Variants in PNPLA1 observed in about 807,000 individuals in gnomAD.
The protein encoded by PNPLA1 is patatin like domain 1, omega-hydroxyceramide transacylase, also known as omega-hydroxyceramide transacylase.
Under a neutral mutation model 51.7 loss-of-function variants are expected in PNPLA1, and 36 were observed. That is an observed-to-expected ratio of 0.70 (90% confidence interval 0.53 to 0.92). The LOEUF (loss-of-function observed/expected upper bound fraction) is 0.92. Among genes scored for constraint, PNPLA1 ranks in the 40% least tolerant of loss-of-function variants. PNPLA1 has a pLI of 0.00. For missense variants in PNPLA1, 658 were observed against 682.5 expected (o/e 0.96, Z 0.40); for synonymous variants, 293 against 280.1 (o/e 1.05, Z -0.46).
In PNPLA1 at chr6:36,295,150, A is replaced by T. The variant is rs17356524; in HGVS notation, c.715-214A>T. 0.091 allele frequency among the ~76,000 whole-genome samples: 13,834 copies of T among 152,236 alleles called. 849 individuals carry two copies. The highest frequency in any genetic ancestry group is 0.13 in the Non-Finnish European group (8,849 of 67,996). On this transcript the variant is annotated intron_variant, in intron 4 of 8. Coordinates refer to ENST00000636260, the MANE Select transcript of PNPLA1 (RefSeq NM_001374623.1). ...CCGAGGCTCCACCATGAATGGTGTA[A>T]CTCATGAACGGAGCATCACTGGGGC...
At chr6:36,279,834 A>G (rs1237249994) in intron 1 of PNPLA1, among the ~76,000 whole-genome samples, 2 of 152,366 alleles carry the variant, frequency 1.3e-5, no homozygotes, top group East Asian at 3.9e-4. Flanking sequence ...GTGAAAAGAA[A>G]ATTACCTTGA....
Position 36,301,977 on chromosome 6 carries a change from C to A in PNPLA1, c.892C>A (p.Arg298=). The A allele has an allele frequency of 6.2e-7, 1 of 1,614,202 alleles. No homozygotes were observed. Among genetic ancestry groups the A allele is most frequent in the Non-Finnish European group, 8.5e-7 (1 of 1,180,040 alleles). The change falls in exon 6 of 9, where the codon CGA becomes AGA. Residue 298 remains arginine, a synonymous_variant. Transcript: ENST00000636260. ...CCCTGAACGCAGTCAACCAAGCCTT[C>A]GAGCACGGCAGGCCAGTCTGGAAGG... is the stretch of plus-strand genomic sequence containing the variant. ...ECPERSQPSL[R]ARQASLEGAT...
chr6:36,250,980 G>T (rs1490603490), intron 1 of PNPLA1, among the ~76,000 whole-genome samples: 1 of 152,180 alleles, frequency 6.6e-6, no homozygotes, highest in Non-Finnish European at 1.5e-5. Flanking sequence ...GGGATTACAG[G>T]TGTGAGCCAC....
chr6:36,309,081 G>A (rs1210051183), intron 8 of PNPLA1, among the ~76,000 whole-genome samples: 1 of 152,186 alleles, frequency 6.6e-6, no homozygotes, highest in Non-Finnish European at 1.5e-5. Context: ...CCCTGGATGG[G>A]CACAGGGATT....
chr6:36,275,126 C>T (rs4713947), intron 1 of PNPLA1, among the ~76,000 whole-genome samples: 11,152 of 152,222 alleles, frequency 0.073, 549 homozygotes, highest in African/African-American at 0.14. Context: ...TCACCCACAT[C>T]GGAGTGCAGT....
At chr6:36,304,650 AAGTC>A (rs1771177084) in intron 6 of PNPLA1, among the ~76,000 whole-genome samples, 1 of 149,202 alleles carries the variant, frequency 6.7e-6, no homozygotes, top group Admixed American at 6.7e-5. Flanking sequence ...AAAAAAAAAA[AAGTC>A]AGAAAATTGG....
chr6:36,290,872 G>A (rs1399872502), intron 1 of PNPLA1, among the ~76,000 whole-genome samples: 1 of 152,150 alleles, frequency 6.6e-6, no homozygotes, highest in Non-Finnish European at 1.5e-5. Context: ...GTATCCCAGG[G>A]CGTCACTTAG....
In PNPLA1 at chr6:36,302,207, C is replaced by A; in HGVS notation, c.1122C>A (p.Phe374Leu). Residue 374 changes from phenylalanine (F) to leucine (L), a missense_variant, in exon 6 of 9, where the codon TTC becomes TTA. By Grantham distance (22) the Phe-to-Leu change is conservative (BLOSUM62 0). Coordinates refer to ENST00000636260, the MANE Select transcript of PNPLA1 (RefSeq NM_001374623.1). The part of the protein sequence containing the change: ...LSLSGMPPVS[F>L]PAVHKPPSST... ...TAAGTGGCATGCCACCTGTATCATT[C>A]CCAGCTGTGCACAAGCCACCCAGCT... 1 of 1,613,544 alleles carries A rather than the reference C, an allele frequency of 6.2e-7. No homozygotes were observed. The highest frequency in any genetic ancestry group is 8.5e-7 in the Non-Finnish European group (1 of 1,179,834).
At chr6:36,310,123 T>A (rs557021620) in intron 8 of PNPLA1, among the ~76,000 whole-genome samples, 11 of 152,290 alleles carry the variant, frequency 7.2e-5, no homozygotes, top group African/African-American at 2.4e-4. Context: ...ACCCCCCAAA[T>A]CTCAGTGGAT....
chr6:36,306,371 T>G lies in PNPLA1; in HGVS notation c.1464T>G (p.Tyr488Ter), dbSNP rs45621032. 2 of 1,611,058 alleles carry G rather than the reference T, an allele frequency of 1.2e-6. No individual in the cohort carries two copies. Among genetic ancestry groups the G allele is most frequent in the Non-Finnish European group, 1.7e-6 (2 of 1,179,030 alleles). The change falls in exon 7 of 9, where the codon TAT becomes TAG. Residue 488 changes from tyrosine (Y) to a stop codon, truncating the protein, a stop_gained. Transcript: ENST00000636260. LOFTEE classifies it high-confidence loss of function. Reference protein sequence around the residue: ...VHVKETVSKPYVTESPAEDSN... With the variant: ...VHVKETVSKP ...TGAAGGAAACCGTCAGCAAGCCTTA[T>G]GTAACGTAAGTTTCCCCTTCGTGGA...
chr6:36,274,303 T>C (rs892204549), intron 1 of PNPLA1, among the ~76,000 whole-genome samples: 1 of 152,154 alleles, frequency 6.6e-6, no homozygotes, highest in Non-Finnish European at 1.5e-5. Flanking sequence ...ATCCTTTAAA[T>C]TGCCCTGCTT....
At chr6:36,292,850 C>T (rs961953565) in intron 2 of PNPLA1, among the ~76,000 whole-genome samples, 4 of 152,206 alleles carry the variant, frequency 2.6e-5, no homozygotes, top group Admixed American at 2.0e-4. Flanking sequence ...GCTGGGACAT[C>T]AGGGCCAGAT....
At chr6:36,255,107 C>T (rs1255381550) in intron 1 of PNPLA1, among the ~76,000 whole-genome samples, 1 of 152,180 alleles carries the variant, frequency 6.6e-6, no homozygotes, top group Non-Finnish European at 1.5e-5. Context: ...AATCTAATGC[C>T]CGTAATCCCA....
chr6:36,290,694 G>A (rs1406959137), intron 1 of PNPLA1, among the ~76,000 whole-genome samples: 1 of 152,182 alleles, frequency 6.6e-6, no homozygotes, highest in Non-Finnish European at 1.5e-5. Context: ...GCACAGGCGA[G>A]CCTTACATAG....
intron 5 of PNPLA1, among the ~76,000 whole-genome samples, chr6:36,296,695 G>C (rs115430384): frequency 3.3e-5 from 5 of 152,092 alleles, no homozygotes; most frequent in East Asian, 1.9e-4. Flanking sequence ...CCCAACAAGG[G>C]GGGTGGAGAG....
chr6:36,257,841 C>T (rs764348812), intron 1 of PNPLA1, among the ~76,000 whole-genome samples: 9 of 152,112 alleles, frequency 5.9e-5, no homozygotes, highest in Non-Finnish European at 1.2e-4. Context: ...CTGAATATTG[C>T]GAGTGTACAG....
chr6:36,246,938 C>T lies in PNPLA1; in HGVS notation c.-81+3677C>T, dbSNP rs76997738. Among the ~76,000 whole-genome samples, 555 of 152,336 alleles carry T rather than the reference C, an allele frequency of 3.6e-3. 8 individuals carry two copies. The highest frequency in any genetic ancestry group is 0.036 in the East Asian group (186 of 5,180). On this transcript the variant is annotated intron_variant, in intron 1 of 7. Transcript: ENST00000312917. ...ATCCCAGACTCAGGACCAGCCTCCCCGCGCTCACTGCTGTCACTGCTTTCC... is the reference window on the plus strand; with the variant it reads ...ATCCCAGACTCAGGACCAGCCTCCCTGCGCTCACTGCTGTCACTGCTTTCC...
intron 1 of PNPLA1, among the ~76,000 whole-genome samples, chr6:36,243,780 G>C (rs186844030): frequency 1.3e-5 from 2 of 152,290 alleles, no homozygotes; most frequent in East Asian, 3.9e-4. Context: ...GAGTGCCATG[G>C]ACTGGTGCCT....
chr6:36,302,463 C>A lies in PNPLA1; in HGVS notation c.1378C>A (p.Pro460Thr), dbSNP rs1484822855. The A allele has an allele frequency of 1.3e-6, 2 of 1,537,854 alleles. No individual in the cohort carries two copies. Among genetic ancestry groups the A allele is most frequent in the South Asian group, 2.6e-5 (2 of 78,114 alleles). Residue 460 changes from proline (P) to threonine (T), a missense_variant, in exon 6 of 9, where the codon CCC (proline) becomes ACC (threonine). Transcript: ENST00000636260. Reference protein sequence around the residue: ...PPVEELGQEQPQAVALLVSSK... With the variant: ...PPVEELGQEQTQAVALLVSSK... ...TGTGGAGGAACTAGGCCAAGAACAG[C>A]CCCAAGGTATGGACCCTTCTGGCTT... is the stretch of plus-strand genomic sequence containing the variant.
Sources: gnomAD v4.1 joint callset for allele counts (sites outside exome capture counted in the v4.1 genomes callset) on GRCh38, gnomAD v4.1.1 for gene constraint, MANE v1.5 for transcripts, NCBI Gene and HGNC (gene_info 2026-07-23, HGNC 2026-07-21) for gene names.